The following SHROOM4 variants were observed in gnomAD, a reference collection of about 807,000 sequenced individuals.
SHROOM4 encodes shroom family member 4.
Under a neutral mutation model 80.3 loss-of-function variants are expected in SHROOM4, and 17 were observed. The observed-to-expected ratio is 0.21, with a 90% CI of 0.14 to 0.32. The LOEUF (loss-of-function observed/expected upper bound fraction) is 0.32, where lower values mean the gene tolerates loss of function less well. SHROOM4 is among the 10% of genes least tolerant of loss of function. The pLI is 1.00. For missense variants in SHROOM4, 993 were observed against 1,140.3 expected (o/e 0.87, Z 1.86); for synonymous variants, 400 against 437.5 (o/e 0.91, Z 1.07).
chrX:50,597,606 T>C (rs141474974), intron 8 of SHROOM4, among the ~76,000 whole-genome samples: 7 of 111,444 alleles, frequency 6.3e-5, no homozygotes, highest in African/African-American at 1.6e-4. Context: ...GGAGCTAGCA[T>C]TGATTCAGTG....
At chrX:50,794,270 T>C (rs1557271811) in intron 1 of SHROOM4, among the ~76,000 whole-genome samples, 1 of 111,396 alleles carries the variant, frequency 9.0e-6, no homozygotes, top group Non-Finnish European at 1.9e-5. Flanking sequence ...TATAATTAAA[T>C]TGGTACACAT....
intron 1 of SHROOM4, among the ~76,000 whole-genome samples, chrX:50,742,485 C>G (rs921541029): frequency 1.8e-5 from 2 of 110,971 alleles, no homozygotes; most frequent in Non-Finnish European, 3.8e-5. Context: ...TGGCATATCT[C>G]TTTAGGCTCT....
chrX:50,812,574 G>A lies in SHROOM4; in HGVS notation c.117+1328C>T, dbSNP rs782038186. Among the ~76,000 whole-genome samples, 255 of 110,680 alleles carry A rather than the reference G, an allele frequency of 2.3e-3. 2 individuals are homozygous for A. The highest frequency in any genetic ancestry group is 3.2e-3 in the Non-Finnish European group (169 of 52,920). Reference sequence around the variant, plus strand: ...TCCTCAATCTGATTGGTACACCCATGGCAACACTCCAGGGTTGCTAAGAGT... The same window carrying A: ...TCCTCAATCTGATTGGTACACCCATAGCAACACTCCAGGGTTGCTAAGAGT... On this transcript the variant is annotated intron_variant, in intron 1 of 8. Transcript: ENST00000376020.
chrX:50,812,481 T>G (rs1203296961), intron 1 of SHROOM4, among the ~76,000 whole-genome samples: 1 of 109,979 alleles, frequency 9.1e-6, no homozygotes, highest in African/African-American at 3.3e-5. Flanking sequence ...CTGGGCTAGT[T>G]TGGGGAGGCT....
At chrX:50,729,969 A>G (rs1557266180) in intron 1 of SHROOM4, among the ~76,000 whole-genome samples, 1 of 112,246 alleles carries the variant, frequency 8.9e-6, no homozygotes, top group East Asian at 2.8e-4. Flanking sequence ...TTGCTAATAG[A>G]CCTGACTTAC....
chrX:50,751,438 G>C (rs959763942), intron 1 of SHROOM4, among the ~76,000 whole-genome samples: 1 of 111,931 alleles, frequency 8.9e-6, no homozygotes, highest in Non-Finnish European at 1.9e-5. Context: ...TATCACTAGG[G>C]CAAAAAAATA....
intron 1 of SHROOM4, among the ~76,000 whole-genome samples, chrX:50,756,863 G>A (rs1301449147): frequency 9.0e-6 from 1 of 111,593 alleles, no homozygotes; most frequent in Non-Finnish European, 1.9e-5. Context: ...AGTTGTAAGA[G>A]GCTTTATATT....
intron 5 of SHROOM4, among the ~76,000 whole-genome samples, chrX:50,611,312 CTAA>C (rs1453685480): frequency 4.6e-5 from 5 of 109,480 alleles, no homozygotes; most frequent in Non-Finnish European, 9.5e-5. Context: ...CCGCGCCCGG[CTAA>C]TTTTTTTTGT....
At chrX:50,606,291 C>G (rs1929668365) in intron 6 of SHROOM4, among the ~76,000 whole-genome samples, 1 of 106,726 alleles carries the variant, frequency 9.4e-6, no homozygotes, top group South Asian at 4.1e-4. Flanking sequence ...AAATGCTGTG[C>G]TTATGGCATC....
chrX:50,780,181 A>C (rs1405064380), intron 1 of SHROOM4, among the ~76,000 whole-genome samples: 1 of 111,900 alleles, frequency 8.9e-6, no homozygotes, highest in Non-Finnish European at 1.9e-5. Context: ...TAATAAGATA[A>C]TTTTTAAAAG....
In SHROOM4 at chrX:50,627,690, C is replaced by A. The variant is rs190577496; in HGVS notation, c.2896-15G>T. The A allele has an allele frequency of 8.4e-7, 1 of 1,194,685 alleles. No homozygotes were observed. Among genetic ancestry groups the A allele is most frequent in the East Asian group, 3.0e-5 (1 of 33,693 alleles). On this transcript the variant is annotated splice_polypyrimidine_tract_variant and intron_variant, in intron 4 of 8. Transcript: ENST00000376020. ...CCAGGAAATTCCTGTAAAGAAAAAT[C>A]CTGATAAGTTAGAAAGCTTTGAGCA...
intron 1 of SHROOM4, among the ~76,000 whole-genome samples, chrX:50,707,677 C>G (rs1933712793): frequency 9.9e-6 from 1 of 100,672 alleles, no homozygotes; most frequent in Non-Finnish European, 2.0e-5. Flanking sequence ...TGTGATGAAG[C>G]CTTCAGTGAC....
intron 1 of SHROOM4, among the ~76,000 whole-genome samples, chrX:50,729,333 T>C (rs1388627803): frequency 8.1e-5 from 9 of 111,477 alleles, no homozygotes; most frequent in Non-Finnish European, 1.7e-4. Context: ...ACAGAAATTA[T>C]AAACAAGATA....
chrX:50,704,198 A>T (rs1232033617), intron 1 of SHROOM4, among the ~76,000 whole-genome samples: 1 of 111,984 alleles, frequency 8.9e-6, no homozygotes, highest in Non-Finnish European at 1.9e-5. Flanking sequence ...CTACCGCCTA[A>T]TATAAAAACA....
chrX:50,772,196 A>G (rs1404214284), intron 1 of SHROOM4, among the ~76,000 whole-genome samples: 1 of 111,844 alleles, frequency 8.9e-6, no homozygotes, highest in African/African-American at 3.3e-5. Flanking sequence ...ATTGCTTTTG[A>G]TGATGTGGAA....
intron 1 of SHROOM4, among the ~76,000 whole-genome samples, chrX:50,709,283 C>A (rs781797461): frequency 4.5e-5 from 5 of 112,125 alleles, no homozygotes; most frequent in African/African-American, 1.3e-4. Context: ...AGAAAGCAAG[C>A]GAAGACTTGC....
At position 50,634,078 on chromosome X, in the gene SHROOM4, G is replaced by A. The variant is rs140142369; in HGVS notation, c.1995C>T (p.Ser665=). The change falls in exon 4 of 9, where the codon TCC becomes TCT. Residue 665 remains serine (S), a synonymous_variant. Coordinates refer to ENST00000376020, the MANE Select transcript of SHROOM4 (RefSeq NM_020717.5). ...NKSMMLRARS[S]ECLSQAPESH... ...TCTCAGGGGCTTGGCTGAGGCACTC[G>A]GAAGACCTAGCTCTGAGCATCATGC... 7 of 1,210,075 alleles carry A rather than the reference G, an allele frequency of 5.8e-6. No homozygotes were observed. Among genetic ancestry groups the A allele is most frequent in the South Asian group, 3.5e-5 (2 of 56,757 alleles).
intron 2 of SHROOM4, among the ~76,000 whole-genome samples, chrX:50,692,091 C>T (rs903592172): frequency 1.8e-5 from 2 of 111,854 alleles, no homozygotes; most frequent in South Asian, 3.8e-4. Flanking sequence ...TAATTATAGC[C>T]ACTCCTAAGT....
chrX:50,678,300 C>A (rs1279588607), intron 2 of SHROOM4, among the ~76,000 whole-genome samples: 1 of 111,337 alleles, frequency 9.0e-6, no homozygotes, highest in Admixed American at 9.6e-5. Flanking sequence ...TCATTCTATG[C>A]AATTCCTCTT....
Sources: allele counts gnomAD v4.1 joint callset (sites outside exome capture counted in the v4.1 genomes callset), GRCh38; gene constraint gnomAD v4.1.1; transcripts MANE v1.5; gene names NCBI Gene and HGNC (gene_info 2026-07-23, HGNC 2026-07-21).